CA10: variants seen among roughly 807,000 people sequenced by gnomAD.
CA10 encodes the protein carbonic anhydrase 10 (inactive).
A neutral mutation model predicts 44.2 loss-of-function variants in CA10; 14 were observed. That is an observed-to-expected ratio of 0.32 (90% CI 0.21 to 0.50). The LOEUF (loss-of-function observed/expected upper bound fraction) is 0.50. Among genes scored for constraint, CA10 ranks in the 20% least tolerant of loss-of-function variants. CA10 has a pLI of 0.99. For synonymous variants in CA10, 159 were observed against 141.6 expected, an observed-to-expected ratio of 1.12 and a Z score of -0.87; for missense variants, 350 against 409.7, an observed-to-expected ratio of 0.85 and a Z score of 1.26.
chr17:52,136,964 A>G (rs2143369262), intron 1 of CA10, among the ~76,000 whole-genome samples: 1 of 152,380 alleles, frequency 6.6e-6, no homozygotes, highest in Admixed American at 6.5e-5. Flanking sequence ...CTGGTAATTA[A>G]TATCAAAATG....
At chr17:51,991,536 G>A (rs1028026555) in intron 2 of CA10, among the ~76,000 whole-genome samples, 11 of 152,110 alleles carry the variant, frequency 7.2e-5, no homozygotes, top group Non-Finnish European at 1.3e-4. Flanking sequence ...TAAGCCAAAC[G>A]TGGTGGCTCA....
At chr17:51,809,190 T>C (rs1291379919) in intron 3 of CA10, among the ~76,000 whole-genome samples, 6 of 152,176 alleles carry the variant, frequency 3.9e-5, no homozygotes, top group Non-Finnish European at 8.8e-5. Flanking sequence ...TTTGACCTAT[T>C]GCTTATTAGA....
chr17:51,884,395 C>A (rs1322394548), intron 3 of CA10, among the ~76,000 whole-genome samples: 1 of 152,190 alleles, frequency 6.6e-6, no homozygotes, highest in Non-Finnish European at 1.5e-5. Flanking sequence ...CCCTCTCCAG[C>A]CTCCAAGCTT....
chr17:51,906,366 A>G (rs955577263), intron 3 of CA10, among the ~76,000 whole-genome samples: 4 of 152,088 alleles, frequency 2.6e-5, no homozygotes, highest in Non-Finnish European at 5.9e-5. Context: ...CTCTCCAGGA[A>G]AAAACTTTGT....
chr17:51,962,302 A>G (rs1983921775), intron 2 of CA10, among the ~76,000 whole-genome samples: 1 of 152,230 alleles, frequency 6.6e-6, no homozygotes, highest in African/African-American at 2.4e-5. Flanking sequence ...CCCCTTGCCC[A>G]GTCACACCTT....
intron 3 of CA10, among the ~76,000 whole-genome samples, chr17:51,917,008 G>A: frequency 6.6e-6 from 1 of 152,090 alleles, no homozygotes; most frequent in African/African-American, 2.4e-5. Context: ...CACTAGACAT[G>A]TCCCCCAGTT....
At chr17:51,726,043 G>A (rs1916509268) in intron 4 of CA10, among the ~76,000 whole-genome samples, 1 of 152,186 alleles carries the variant, frequency 6.6e-6, no homozygotes, top group Admixed American at 6.5e-5. Flanking sequence ...TAGCTCAGGT[G>A]CACATTTAAA....
chr17:51,720,326 G>A (rs1354213825), intron 4 of CA10, among the ~76,000 whole-genome samples: 2 of 152,104 alleles, frequency 1.3e-5, no homozygotes, highest in African/African-American at 2.4e-5. Context: ...CTGAATAAGA[G>A]TATCTTTTGT....
intron 3 of CA10, among the ~76,000 whole-genome samples, chr17:51,875,878 CT>C (rs944821150): frequency 1.4e-4 from 22 of 152,080 alleles, no homozygotes; most frequent in African/African-American, 5.1e-4. Context: ...ATTCCTATTT[CT>C]TTTTTCCAGA....
chr17:51,964,615 C>T (rs1984011921), intron 2 of CA10, among the ~76,000 whole-genome samples: 2 of 151,560 alleles, frequency 1.3e-5, no homozygotes, highest in African/African-American at 4.8e-5. Context: ...TCCCCTGCCC[C>T]CAACAGCACA....
chr17:51,846,643 A>C (rs149535889), intron 3 of CA10, among the ~76,000 whole-genome samples: 1 of 152,316 alleles, frequency 6.6e-6, no homozygotes, highest in Non-Finnish European at 1.5e-5. Flanking sequence ...TAGTCTTTTG[A>C]ATGCCAGCAA....
intron 3 of CA10, among the ~76,000 whole-genome samples, chr17:51,881,094 G>A (rs762631757): frequency 4.6e-5 from 7 of 151,610 alleles, no homozygotes; most frequent in Non-Finnish European, 1.0e-4. Context: ...AAAAAAATTA[G>A]CCAGGCATGG....
rs956056757 is a variant in CA10 at position 52,100,409 on chromosome 17, A to T, written c.62-28016T>A. Among the ~76,000 whole-genome samples the T allele has an allele frequency of 2.0e-4, 31 of 151,582 alleles. 2 individuals carry two copies. Among genetic ancestry groups the T allele is most frequent in the African/African-American group, 7.5e-4 (31 of 41,520 alleles). Reference sequence around the variant, plus strand: ...ATTTTCTTCTATATTTGAGAAAAAAACATAACCCATTCTCAAGGGCAACAG... The same window carrying T: ...ATTTTCTTCTATATTTGAGAAAAAATCATAACCCATTCTCAAGGGCAACAG... On this transcript the variant is annotated intron_variant, in intron 1 of 8. Transcript: ENST00000451037.
At chr17:51,644,362 A>G (rs961054105) in intron 6 of CA10, among the ~76,000 whole-genome samples, 1 of 152,094 alleles carries the variant, frequency 6.6e-6, no homozygotes, top group African/African-American at 2.4e-5. Context: ...GATTTTAAAG[A>G]TATCTTTAGA....
intron 2 of CA10, among the ~76,000 whole-genome samples, chr17:51,962,312 T>C (rs1195308218): frequency 2.0e-5 from 3 of 152,190 alleles, no homozygotes; most frequent in Middle Eastern, 3.2e-3. Context: ...AGTCACACCT[T>C]TGGGGGCTTG....
intron 4 of CA10, among the ~76,000 whole-genome samples, chr17:51,739,442 T>C (rs1166135604): frequency 6.6e-6 from 1 of 152,096 alleles, no homozygotes; most frequent in East Asian, 1.9e-4. Context: ...TGTAACACCT[T>C]CCTCCTTTCT....
chr17:52,048,069 T>A (rs1261180960), intron 2 of CA10, among the ~76,000 whole-genome samples: 1 of 151,850 alleles, frequency 6.6e-6, no homozygotes, highest in Non-Finnish European at 1.5e-5. Context: ...CATTTGTTTT[T>A]GGTTTTATTT....
intron 2 of CA10, among the ~76,000 whole-genome samples, chr17:52,046,364 A>G (rs1986912440): frequency 6.6e-6 from 1 of 151,700 alleles, no homozygotes; most frequent in Non-Finnish European, 1.5e-5. Context: ...AATTATCAAC[A>G]GTACAAAGGG....
intron 2 of CA10, among the ~76,000 whole-genome samples, chr17:52,013,881 TG>T (rs1985886017): frequency 6.6e-6 from 1 of 151,972 alleles, no homozygotes; most frequent in African/African-American, 2.4e-5. Context: ...TCCCCATTCA[TG>T]GAGCGCTTAC....
Sources: gnomAD v4.1 joint callset for allele counts (sites outside exome capture counted in the v4.1 genomes callset) on GRCh38, gnomAD v4.1.1 for gene constraint, MANE v1.5 for transcripts, NCBI Gene and HGNC (gene_info 2026-07-23, HGNC 2026-07-21) for gene names.